Variants in CAPG observed in about 807,000 individuals in gnomAD.
The protein encoded by CAPG is capping actin protein, gelsolin like.
In CAPG, 32 loss-of-function variants were observed where a neutral mutation model predicts 44.6. That is an observed-to-expected ratio of 0.72 (90% CI 0.54 to 0.96). The LOEUF (loss-of-function observed/expected upper bound fraction) is 0.96. Ranked by LOEUF, CAPG falls within the 50% of genes least tolerant of loss-of-function variation. The probability of loss-of-function intolerance (pLI) is 0.00; values close to 1 mark genes in which losing one functional copy is unlikely to be tolerated. For synonymous variants in CAPG, 175 were observed against 179.6 expected (o/e 0.97, Z 0.20); for missense variants, 412 against 438.3 (o/e 0.94, Z 0.54).
chr2:85,395,663 G>A lies in CAPG; in HGVS notation c.893-37C>T. On this transcript the variant is annotated intron_variant, in intron 8 of 9. Transcript: ENST00000263867. The surrounding 1 kb of genome is among the most constrained non-coding windows in gnomAD (Gnocchi z 4.3). ...GAAGGAGATTTTTAAAAAGAGCAGG[G>A]ACCCTCTTTAGCTGCCATCCCATTT... 1 of 1,483,014 alleles carries A rather than the reference G, an allele frequency of 6.7e-7. No individual in the cohort carries two copies. Among genetic ancestry groups the A allele is most frequent in the Non-Finnish European group, 9.3e-7 (1 of 1,070,004 alleles). The allele number at this position is 1,483,014 out of a possible 1,614,324, so 91.9% of individuals were successfully genotyped here.
At chr2:85,400,748 TC>T (rs1573179032) in intron 5 of CAPG, among the ~76,000 whole-genome samples, 1 of 151,676 alleles carries the variant, frequency 6.6e-6, no homozygotes, top group Non-Finnish European at 1.5e-5. Context: ...ATGGCAGCTG[TC>T]CCCCTTAAAG....
chr2:85,417,551 C>T (rs369922127), intron 1 of CAPG, among the ~76,000 whole-genome samples: 1 of 148,554 alleles, frequency 6.7e-6, no homozygotes, highest in Non-Finnish European at 1.5e-5. Context: ...GGCACCATCT[C>T]GGCTCACTGC....
chr2:85,404,955 T>A (rs1008916875), intron 1 of CAPG, among the ~76,000 whole-genome samples: 44 of 151,478 alleles, frequency 2.9e-4, no homozygotes, highest in Non-Finnish European at 1.6e-4. Flanking sequence ...AAAAAAATTT[T>A]TTTTTTACCC....
upstream of CAPG, chr2:85,410,443 CG>C (rs1553427664): frequency 6.6e-6 from 1 of 152,372 alleles, no homozygotes; most frequent in Non-Finnish European, 1.5e-5. Context: ...CTTCCCCAGC[CG>C]GTGTGGAGGC....
chr2:85,402,178 C>T lies in CAPG; in HGVS notation c.-13-20G>A. Reference sequence around the variant, plus strand: ...TCAGATCTGGAAAGAAAGAAGAAGCCATTATTATTACAAATGCCACAAAAA... The same window carrying T: ...TCAGATCTGGAAAGAAAGAAGAAGCTATTATTATTACAAATGCCACAAAAA... On this transcript the variant is annotated intron_variant, in intron 1 of 9. Transcript: ENST00000263867. 6.3e-7 allele frequency: 1 copy of T among 1,580,918 alleles called. No homozygotes were observed. The highest frequency in any genetic ancestry group is 1.1e-5 in the South Asian group (1 of 87,474).
At chr2:85,416,093 G>A (rs553415367) in intron 1 of CAPG, among the ~76,000 whole-genome samples, 4 of 152,256 alleles carry the variant, frequency 2.6e-5, no homozygotes, top group Non-Finnish European at 4.4e-5. Flanking sequence ...CCTACTTCTA[G>A]GATGAACACC....
intron 4 of CAPG, 86 bp downstream of exon 4, chr2:85,401,443 G>A (rs1686882112): frequency 6.3e-7 from 1 of 1,580,820 alleles, no homozygotes; most frequent in South Asian, 1.1e-5. Context: ...AGGCACCCGG[G>A]TCTTCTGCAG....
At chr2:85,392,557 A>C (rs1270462145), downstream of CAPG, among the ~76,000 whole-genome samples, 1 of 152,136 alleles carries the variant, frequency 6.6e-6, no homozygotes, top group Non-Finnish European at 1.5e-5. Flanking sequence ...GACCCACTGC[A>C]GGGGGAAACA....
At chr2:85,398,187 C>A (rs201981620) in intron 7 of CAPG, 35 bp from the exon 8 acceptor site, 10 of 1,605,938 alleles carry the variant, frequency 6.2e-6, no homozygotes, top group Admixed American at 1.7e-5. Context: ...TCTCACCCCC[C>A]ACACACCAGC....
intron 1 of CAPG, among the ~76,000 whole-genome samples, 164 bp downstream of exon 1, chr2:85,410,153 A>G (rs1200485164): frequency 1.3e-5 from 2 of 152,166 alleles, no homozygotes; most frequent in Non-Finnish European, 2.9e-5. Flanking sequence ...GGCTGGGGGA[A>G]CTCCACCCTG....
chr2:85,406,633 C>T (rs1184955532), intron 1 of CAPG, among the ~76,000 whole-genome samples: 1 of 151,918 alleles, frequency 6.6e-6, no homozygotes, highest in Non-Finnish European at 1.5e-5. Context: ...CCAAGGCGGG[C>T]AGATCACCTG....
intron 1 of CAPG, chr2:85,409,914 T>G (rs1687342927): frequency 6.6e-6 from 1 of 152,328 alleles, no homozygotes; most frequent in African/African-American, 2.4e-5. Flanking sequence ...ACCACAGTCC[T>G]GTCTTGGGGA....
At position 85,401,905 on chromosome 2, in the gene CAPG, C is replaced by T. The variant is rs1460255234; in HGVS notation, c.76G>A (p.Val26Met). The change falls in exon 3 of 10, where the codon GTG becomes ATG. Residue 26 changes from valine to methionine, a missense_variant. Transcript: ENST00000263867. ...VQDPGLHVWR[V>M]EKLKPVPVAQ... Reference sequence around the variant, plus strand: ...ACAGGCACCGGCTTCAGCTTCTCCACCCGCCACACATGCAGGCCTGGATCC... The same window carrying T: ...ACAGGCACCGGCTTCAGCTTCTCCATCCGCCACACATGCAGGCCTGGATCC... 1 of 1,614,038 alleles carries T rather than the reference C, an allele frequency of 6.2e-7. No individual in the cohort carries two copies. Among genetic ancestry groups the T allele is most frequent in the Non-Finnish European group, 8.5e-7 (1 of 1,180,016 alleles).
chr2:85,395,860 T>G lies in CAPG; in HGVS notation c.893-234A>C, dbSNP rs1451641165. The G allele has an allele frequency of 3.2e-5, 17 of 528,700 alleles. No homozygotes were observed. Among genetic ancestry groups the G allele is most frequent in the Non-Finnish European group, 5.8e-5 (17 of 291,996 alleles). The allele number at this position is 528,700 out of a possible 1,614,324, so 32.8% of individuals were successfully genotyped here. On this transcript the variant is annotated intron_variant, in intron 8 of 9. Transcript: ENST00000263867. The surrounding 1 kb of genome is among the most constrained non-coding windows in gnomAD (Gnocchi z 4.3). ...TGAAAACCCCTCGTCTGCCCGGGTC[T>G]GATCATGCAAAACTCTGCTCTGACC...
At chr2:85,397,657 C>G (rs1426201021) in intron 8 of CAPG, among the ~76,000 whole-genome samples, 2 of 150,610 alleles carry the variant, frequency 1.3e-5, no homozygotes. Context: ...GAGCCAAGAT[C>G]GTGCCACTGC....
Position 85,398,778 on chromosome 2 carries a change from A to G in CAPG, c.671T>C (p.Leu224Pro), listed in dbSNP as rs766183703. The G allele has an allele frequency of 1.3e-6, 2 of 1,599,976 alleles. No individual in the cohort carries two copies. The highest frequency in any genetic ancestry group is 2.2e-5 in the East Asian group (1 of 44,582). Residue 224 changes from leucine (L) to proline (P), a missense_variant, in exon 7 of 10, where the codon CTG (leucine) becomes CCG (proline). Transcript: ENST00000263867. ...GEEPAEMIQV[L>P]GPKPALKEGN... ...CTCCTTCAGAGCAGGCTTGGGGCCCAGGACCTGCAGGGGCCAGGGCAGGCC... is the reference window on the plus strand; with the variant it reads ...CTCCTTCAGAGCAGGCTTGGGGCCCGGGACCTGCAGGGGCCAGGGCAGGCC...
upstream of CAPG, among the ~76,000 whole-genome samples, chr2:85,412,368 C>G (rs1468121381): frequency 6.6e-6 from 1 of 152,050 alleles, no homozygotes; most frequent in Non-Finnish European, 1.5e-5. Context: ...AAAAAATTAG[C>G]CGGGGGTGGT....
chr2:85,406,708 A>G (rs1355826135), intron 1 of CAPG, among the ~76,000 whole-genome samples: 1 of 151,910 alleles, frequency 6.6e-6, no homozygotes, highest in Non-Finnish European at 1.5e-5. Flanking sequence ...AAAATACAAA[A>G]TTAGCTGGGC....
Position 85,395,547 on chromosome 2 carries a change from C to A in CAPG, c.972G>T (p.Pro324=). Reference sequence around the variant, plus strand: ...GTGCGCATCTCCTCACCTGAGTGTTCGGGGCGTACTGCATGCGCGAGATGA... The same window carrying A: ...GTGCGCATCTCCTCACCTGAGTGTTAGGGGCGTACTGCATGCGCGAGATGA... The part of the protein sequence containing the change: ...EGFISRMQYA[P]NTQVEILPQG... Residue 324 remains proline, a synonymous_variant, in exon 9 of 10, where the codon CCG becomes CCT. Coordinates refer to ENST00000263867, the MANE Select transcript of CAPG (RefSeq NM_001747.4). This position sits in a 1 kb window ranked among gnomAD's most constrained non-coding sequence, Gnocchi z 4.3. The A allele has an allele frequency of 1.2e-6, 2 of 1,613,274 alleles. No individual in the cohort carries two copies. Among genetic ancestry groups the A allele is most frequent in the Non-Finnish European group, 1.7e-6 (2 of 1,179,506 alleles).
Sources: gnomAD v4.1 joint callset for allele counts (sites outside exome capture counted in the v4.1 genomes callset) on GRCh38, gnomAD v4.1.1 for gene constraint, Gnocchi (gnomAD v3.1) non-coding constraint, MANE v1.5 for transcripts, NCBI Gene and HGNC (gene_info 2026-07-23, HGNC 2026-07-21) for gene names.